Variants in YES1 observed in about 807,000 individuals in gnomAD.
YES1 encodes the protein YES proto-oncogene 1, Src family tyrosine kinase, also known as tyrosine-protein kinase Yes.
Under a neutral mutation model 70.4 loss-of-function variants are expected in YES1, and 39 were observed. The observed-to-expected ratio is 0.55, with a 90% CI of 0.43 to 0.72. YES1 has a LOEUF of 0.72. Among genes scored for constraint, YES1 ranks in the 30% least tolerant of loss-of-function variants. YES1 has a pLI of 0.00. For synonymous variants in YES1, 198 were observed against 218.6 expected (o/e 0.91, Z 0.83); for missense variants, 495 against 644.8 (o/e 0.77, Z 2.52).
intron 1 of YES1, among the ~76,000 whole-genome samples, chr18:777,792 G>A (rs1231335716): frequency 6.9e-6 from 1 of 144,554 alleles, no homozygotes; most frequent in East Asian, 2.0e-4. Flanking sequence ...GGACAACAGA[G>A]TGAGACTCTG....
intron 1 of YES1, among the ~76,000 whole-genome samples, chr18:773,138 G>A (rs949722381): frequency 6.6e-6 from 1 of 152,174 alleles, no homozygotes; most frequent in African/African-American, 2.4e-5. Context: ...AAAATGCACT[G>A]AAAGTAATAA....
chr18:727,533 T>TG (rs1418919261), intron 11 of YES1, among the ~76,000 whole-genome samples: 4 of 152,178 alleles, frequency 2.6e-5, no homozygotes, highest in African/African-American at 9.7e-5. Flanking sequence ...TGCTTTTTAA[T>TG]TTGATTAAAC....
At chr18:781,262 T>C (rs1254595728) in intron 1 of YES1, among the ~76,000 whole-genome samples, 1 of 128,648 alleles carries the variant, frequency 7.8e-6, no homozygotes, top group African/African-American at 3.2e-5. Context: ...AGAGTGAAAC[T>C]CTGTCTCAAA....
chr18:742,822 T>C (rs2080230734), intron 8 of YES1, 96 bp downstream of exon 8: 7 of 982,042 alleles, frequency 7.1e-6, no homozygotes, highest in Non-Finnish European at 9.7e-6. Context: ...TACATAAAAA[T>C]CTTAAATTAG....
In YES1 at chr18:809,448, C is replaced by T. The variant is rs145919143; in HGVS notation, c.-9+2666G>A. ...CCAGGTAGCTGGGATTACAGGGGCG[C>T]GCCACCACACCCAGATAATTTTTGT... On this transcript the variant is annotated intron_variant, in intron 1 of 11. Coordinates refer to ENST00000314574, the MANE Select transcript of YES1 (RefSeq NM_005433.4). Among the ~76,000 whole-genome samples, 678 of 152,098 alleles carry T rather than the reference C, an allele frequency of 4.5e-3. 4 individuals carry two copies. The highest frequency in any genetic ancestry group is 0.016 in the African/African-American group (647 of 41,480).
intron 1 of YES1, among the ~76,000 whole-genome samples, chr18:774,295 C>T (rs1905278025): frequency 6.6e-6 from 1 of 152,172 alleles, no homozygotes; most frequent in African/African-American, 2.4e-5. Flanking sequence ...GGTGATATCA[C>T]CCAGTCTTAT....
At chr18:796,929 C>T (rs1437268640) in intron 1 of YES1, among the ~76,000 whole-genome samples, 2 of 151,988 alleles carry the variant, frequency 1.3e-5, no homozygotes, top group South Asian at 2.1e-4. Context: ...AAAAAATTAC[C>T]TCACAACATA....
intron 11 of YES1, among the ~76,000 whole-genome samples, chr18:724,874 T>C (rs969031358): frequency 2.6e-5 from 4 of 152,218 alleles, no homozygotes; most frequent in African/African-American, 9.6e-5. Context: ...TACTAATGTC[T>C]TCAAAAGCCA....
rs1383098303 is a variant in YES1 at position 746,060 on chromosome 18, A to G, written c.471-9T>C. 6.2e-7 allele frequency: 1 copy of G among 1,603,298 alleles called. No homozygotes were observed. The highest frequency in any genetic ancestry group is 1.7e-5 in the Admixed American group (1 of 59,520). On this transcript the variant is annotated splice_polypyrimidine_tract_variant and intron_variant, in intron 4 of 11. Coordinates refer to ENST00000314574, the MANE Select transcript of YES1 (RefSeq NM_005433.4). Reference sequence around the variant, plus strand: ...TTTTGCCAAAATACCATCTGGAAAAAAATTAAGTGTTTTGAATTGAAAAGT... The same window carrying G: ...TTTTGCCAAAATACCATCTGGAAAAGAATTAAGTGTTTTGAATTGAAAAGT...
chr18:798,507 G>A lies in YES1; in HGVS notation c.-9+13607C>T, dbSNP rs141950792. Among the ~76,000 whole-genome samples the A allele has an allele frequency of 8.1e-4, 123 of 152,230 alleles. 3 individuals carry two copies. In the East Asian group the frequency reaches 0.022, roughly 27 times the overall value. ...AAGACCCAAGTTGGAGTGACTGATG[G>A]GGTAGGGTGGGGGAAAAGGGGAAAT... On this transcript the variant is annotated intron_variant, in intron 1 of 11. Coordinates refer to ENST00000314574, the MANE Select transcript of YES1 (RefSeq NM_005433.4).
intron 1 of YES1, among the ~76,000 whole-genome samples, chr18:757,628 C>T (rs1429019155): frequency 1.3e-5 from 2 of 151,824 alleles, no homozygotes; most frequent in African/African-American, 2.4e-5. Flanking sequence ...CAAGACCAAC[C>T]TGGCCAACAC....
rs145836635 is a variant in YES1 at position 731,760 on chromosome 18, G to A, written c.1423+1074C>T. Among the ~76,000 whole-genome samples, 1,231 of 152,158 alleles carry A rather than the reference G, an allele frequency of 8.1e-3. 23 individuals are homozygous for A. The highest frequency in any genetic ancestry group is 0.028 in the African/African-American group (1,161 of 41,490). On this transcript the variant is annotated intron_variant, in intron 11 of 11. Coordinates refer to ENST00000314574, the MANE Select transcript of YES1 (RefSeq NM_005433.4). ...AGGCGGGCAGATCACAAGGTCAGGA[G>A]ATCGAGACCATCCTGGTTAACACGG... is the stretch of plus-strand genomic sequence containing the variant.
chr18:809,447 G>A (rs1182369343), intron 1 of YES1, among the ~76,000 whole-genome samples: 2 of 151,972 alleles, frequency 1.3e-5, no homozygotes, highest in East Asian at 1.9e-4. Flanking sequence ...TTACAGGGGC[G>A]CGCCACCACA....
chr18:758,443 GT>G (rs1206413389), intron 1 of YES1, among the ~76,000 whole-genome samples: 5 of 151,832 alleles, frequency 3.3e-5, no homozygotes, highest in Non-Finnish European at 5.9e-5. Flanking sequence ...ATTTCCTACT[GT>G]CCTCATACTT....
upstream of YES1, chr18:812,418 G>C (rs1012717815): frequency 1.3e-5 from 2 of 150,832 alleles, no homozygotes; most frequent in Non-Finnish European, 2.9e-5. Flanking sequence ...CGGAACTCGG[G>C]CCACGCCGGC....
At chr18:744,642 G>A (rs541732806) in intron 6 of YES1, among the ~76,000 whole-genome samples, 6 of 146,518 alleles carry the variant, frequency 4.1e-5, no homozygotes, top group African/African-American at 7.6e-5. Flanking sequence ...TGTCTGTTTC[G>A]GCCTCCCAAA....
At chr18:755,598 T>G (rs2080396346) in intron 2 of YES1, among the ~76,000 whole-genome samples, 1 of 152,068 alleles carries the variant, frequency 6.6e-6, no homozygotes, top group African/African-American at 2.4e-5. Flanking sequence ...GAGACAAATG[T>G]ATAGTCAGTC....
At chr18:757,296 G>A (rs749256631) in intron 1 of YES1, among the ~76,000 whole-genome samples, 27 of 152,014 alleles carry the variant, frequency 1.8e-4, no homozygotes, top group Admixed American at 3.9e-4. Flanking sequence ...GAGGTCAGGA[G>A]ATTGAGACCA....
intron 1 of YES1, among the ~76,000 whole-genome samples, chr18:764,807 A>G (rs1280748924): frequency 6.6e-6 from 1 of 151,654 alleles, no homozygotes; most frequent in African/African-American, 2.4e-5. Flanking sequence ...ATCTCGACTC[A>G]CTGTAACCTC....
Sources: gnomAD v4.1 joint callset for allele counts (sites outside exome capture counted in the v4.1 genomes callset) on GRCh38, gnomAD v4.1.1 for gene constraint, MANE v1.5 for transcripts, NCBI Gene and HGNC (gene_info 2026-07-23, HGNC 2026-07-21) for gene names.